The following CNST variants were observed in gnomAD, a reference collection of about 807,000 sequenced individuals.
The protein encoded by CNST is consortin, connexin sorting protein.
A neutral mutation model predicts 72.4 loss-of-function variants in CNST; 39 were observed. The observed-to-expected ratio is 0.54, with a 90% confidence interval of 0.42 to 0.70. The LOEUF is 0.70. Ranked by LOEUF, CNST falls within the 30% of genes least tolerant of loss-of-function variation. The pLI is 0.00. For missense variants in CNST, 871 were observed against 868.5 expected, an observed-to-expected ratio of 1.00 and a Z score of -0.04; for synonymous variants, 332 against 320.1, an observed-to-expected ratio of 1.04 and a Z score of -0.40.
intron 3 of CNST, among the ~76,000 whole-genome samples, chr1:246,623,111 G>A (rs1025346781): frequency 6.6e-6 from 1 of 152,146 alleles, no homozygotes; most frequent in Non-Finnish European, 1.5e-5. Flanking sequence ...GGCGCGAGCC[G>A]CTGCACCCAG....
chr1:246,647,715 G>A lies in CNST; in HGVS notation c.1514G>A (p.Gly505Asp), dbSNP rs143506575. The stretch of plus-strand genomic sequence containing the variant: ...CCACAGGCGCAGGCTGACTCAGACG[G>A]TTCTGAGAATGTGCTCTGTGGAAAT... Reference protein sequence around the residue: ...KSPQAQADSDGSENVLCGNNQ... With the variant: ...KSPQAQADSDDSENVLCGNNQ... The change falls in exon 9 of 11, where the codon GGT (glycine) becomes GAT (aspartate). Residue 505 changes from glycine (G) to aspartate (D), a missense_variant. Physicochemically the swap from Gly to Asp is moderately conservative, Grantham distance 94 (BLOSUM62 -1). Coordinates refer to ENST00000366513, the MANE Select transcript of CNST (RefSeq NM_152609.3). 22 of 1,614,156 alleles carry A rather than the reference G, an allele frequency of 1.4e-5. No individual in the cohort carries two copies. Among genetic ancestry groups the A allele is most frequent in the Non-Finnish European group, 1.8e-5 (21 of 1,180,036 alleles).
chr1:246,575,467 G>A (rs1296968692), intron 1 of CNST, among the ~76,000 whole-genome samples: 1 of 152,166 alleles, frequency 6.6e-6, no homozygotes, highest in East Asian at 1.9e-4. Flanking sequence ...AATTGCAATA[G>A]ACCGCATATT....
rs751284519 is a variant in CNST at position 246,641,805 on chromosome 1, A to G, written c.840+35A>G. 5 of 1,307,394 alleles carry G rather than the reference A, an allele frequency of 3.8e-6. No individual in the cohort carries two copies. The Admixed American group carries it at 9.4e-5, about 25-fold the overall frequency. 81.0% of individuals were successfully genotyped at this position (1,307,394 alleles called of 1,614,324 possible). On this transcript the variant is annotated intron_variant, in intron 7 of 10. Coordinates refer to ENST00000366513, the MANE Select transcript of CNST (RefSeq NM_152609.3). ...TGTTTCTTTTGAATATATTTCTAGG[A>G]AAAATGTTTGTGTCATATGTCTGTT...
intron 3 of CNST, 24 bp from the exon 4 acceptor site, chr1:246,631,870 C>T: frequency 7.0e-7 from 1 of 1,432,808 alleles, no homozygotes; most frequent in Non-Finnish European, 9.7e-7. Context: ...TTAATTTTCT[C>T]TGTGTTTTCT....
At position 246,661,265 on chromosome 1, in the gene CNST, C is replaced by T. The variant is rs974065256; in HGVS notation, c.1972+931C>T. On this transcript the variant is annotated intron_variant, in intron 10 of 10. Coordinates refer to ENST00000366513, the MANE Select transcript of CNST (RefSeq NM_152609.3). Reference sequence around the variant, plus strand: ...TGCTAGGATTACAGGTGTGAGCCACCGCACCAGGCCCTGGCTAGTTTTCTG... The same window carrying T: ...TGCTAGGATTACAGGTGTGAGCCACTGCACCAGGCCCTGGCTAGTTTTCTG... Among the ~76,000 whole-genome samples the T allele has an allele frequency of 5.3e-5, 8 of 152,226 alleles. No individual in the cohort carries two copies. The East Asian group carries it at 5.8e-4, about 11-fold the overall frequency.
At chr1:246,588,819 GC>G (rs1438834380) in intron 1 of CNST, among the ~76,000 whole-genome samples, 4 of 152,118 alleles carry the variant, frequency 2.6e-5, no homozygotes, top group Non-Finnish European at 5.9e-5. Flanking sequence ...CATTGGAAAT[GC>G]TTGAACTATA....
rs1209495730 is a variant in CNST, at chr1:246,666,620, A to G, written c.*715A>G. The G allele has an allele frequency of 1.3e-5, 2 of 152,244 alleles. No individual in the cohort carries two copies. The highest frequency in any genetic ancestry group is 4.8e-5 in the African/African-American group (2 of 41,470). The allele number at this position is 152,244 out of a possible 1,614,324, so 9.4% of individuals were successfully genotyped here. A position where few individuals can be genotyped will look rare whatever the true frequency, so the allele number is the denominator to read the frequency against. ...TGACCCTGCAATGAGAAACTGTGAC[A>G]GATCTGTGTCAATTAACTTGATTAG... On this transcript the variant is annotated 3_prime_UTR_variant, in exon 11 of 11. Coordinates refer to ENST00000366513, the MANE Select transcript of CNST (RefSeq NM_152609.3).
At chr1:246,638,508 C>T (rs1171581997) in intron 6 of CNST, among the ~76,000 whole-genome samples, 1 of 152,140 alleles carries the variant, frequency 6.6e-6, no homozygotes, top group African/African-American at 2.4e-5. Flanking sequence ...TCCAGATGGA[C>T]AAGTGTGAGT....
intron 10 of CNST, among the ~76,000 whole-genome samples, chr1:246,665,447 A>G (rs1157839773): frequency 6.6e-6 from 1 of 152,238 alleles, no homozygotes; most frequent in East Asian, 1.9e-4. Flanking sequence ...CTTCTCATGG[A>G]GTGATTCTGT....
chr1:246,579,004 A>G lies in CNST; in HGVS notation c.-52+12341A>G, dbSNP rs1464861333. Among the ~76,000 whole-genome samples, 5 of 152,256 alleles carry G rather than the reference A, an allele frequency of 3.3e-5. No homozygotes were observed. The East Asian group carries it at 7.7e-4, about 23-fold the overall frequency. ...AGGAATTGTTACTATATGCATGGCA[A>G]AGCGTAAGCACTATATAAATGTGTC... On this transcript the variant is annotated intron_variant, in intron 1 of 10. Transcript: ENST00000366513.
intron 2 of CNST, among the ~76,000 whole-genome samples, chr1:246,608,263 A>C (rs1372761448): frequency 6.6e-6 from 1 of 152,178 alleles, no homozygotes; most frequent in African/African-American, 2.4e-5. Context: ...GAGGATCATC[A>C]CTAGACCCCA....
chr1:246,643,077 T>G (rs1302436236), intron 8 of CNST, among the ~76,000 whole-genome samples: 1 of 151,052 alleles, frequency 6.6e-6, no homozygotes, highest in East Asian at 2.0e-4. Flanking sequence ...TTTTTGTGGG[T>G]ATGGAGGTCT....
At chr1:246,593,764 GATTTT>G (rs1409059715) in intron 2 of CNST, among the ~76,000 whole-genome samples, 2 of 151,854 alleles carry the variant, frequency 1.3e-5, no homozygotes, top group Non-Finnish European at 2.9e-5. Context: ...CTGATTTTGT[GATTTT>G]ATTTTATTTT....
At chr1:246,574,426 TA>T (rs1022927380) in intron 1 of CNST, among the ~76,000 whole-genome samples, 2 of 152,300 alleles carry the variant, frequency 1.3e-5, no homozygotes, top group African/African-American at 4.8e-5. Flanking sequence ...TCTTTTTCTT[TA>T]AAAAAAATTT....
chr1:246,617,945 T>C (rs1336103864), intron 2 of CNST, among the ~76,000 whole-genome samples: 3 of 152,218 alleles, frequency 2.0e-5, no homozygotes, highest in Non-Finnish European at 2.9e-5. Flanking sequence ...AACAACCTGC[T>C]CTTTGGTAGG....
intron 9 of CNST, among the ~76,000 whole-genome samples, chr1:246,656,893 G>A (rs1455760802): frequency 2.6e-5 from 4 of 151,976 alleles, no homozygotes; most frequent in Non-Finnish European, 5.9e-5. Flanking sequence ...GCATGCCACT[G>A]CACTCCAGCC....
intron 3 of CNST, among the ~76,000 whole-genome samples, chr1:246,623,773 G>A (rs1294108063): frequency 4.7e-5 from 7 of 148,788 alleles, no homozygotes; most frequent in Non-Finnish European, 7.5e-5. Flanking sequence ...AAAAAAAAGG[G>A]AAAATAGGGC....
chr1:246,588,722 C>A (rs1292829655), intron 1 of CNST, among the ~76,000 whole-genome samples: 2 of 152,004 alleles, frequency 1.3e-5, no homozygotes, highest in South Asian at 2.1e-4. Context: ...TTAATAAATT[C>A]TTTTATATTG....
intron 1 of CNST, among the ~76,000 whole-genome samples, chr1:246,573,270 A>G (rs773604095): frequency 3.9e-5 from 6 of 152,372 alleles, no homozygotes; most frequent in Non-Finnish European, 2.9e-5. Context: ...AGCCAAAATT[A>G]GAGGTAATAC....
Sources: gnomAD v4.1 joint callset for allele counts (sites outside exome capture counted in the v4.1 genomes callset) on GRCh38, gnomAD v4.1.1 for gene constraint, MANE v1.5 for transcripts, NCBI Gene and HGNC (gene_info 2026-07-23, HGNC 2026-07-21) for gene names.